The following PHLDB2 variants were observed in gnomAD, a reference collection of about 807,000 sequenced individuals.
PHLDB2 encodes the protein pleckstrin homology like domain family B member 2.
Under a neutral mutation model 123.6 loss-of-function variants are expected in PHLDB2, and 71 were observed. The observed-to-expected ratio is 0.57, with a 90% CI of 0.47 to 0.70. PHLDB2 has a LOEUF of 0.70. Among genes scored for constraint, PHLDB2 ranks in the 30% least tolerant of loss-of-function variants. The pLI, the probability that PHLDB2 is intolerant of heterozygous loss-of-function variation, is 0.00. For synonymous variants in PHLDB2, 547 were observed against 541.6 expected (o/e 1.01, Z -0.14); for missense variants, 1,446 against 1,519.5 (o/e 0.95, Z 0.80).
intron 5 of PHLDB2, among the ~76,000 whole-genome samples, chr3:111,925,330 A>AT (rs1416262277): frequency 1.3e-5 from 2 of 152,160 alleles, no homozygotes; most frequent in Non-Finnish European, 2.9e-5. Flanking sequence ...TTTATTGAAC[A>AT]TTTTTGCAGC....
intron 1 of PHLDB2, among the ~76,000 whole-genome samples, chr3:111,816,840 T>C (rs979797733): frequency 2.0e-5 from 3 of 152,212 alleles, no homozygotes; most frequent in Admixed American, 2.0e-4. Context: ...TCTTGAATTG[T>C]AACTCCCACA....
chr3:111,852,259 G>A (rs1221420936), intron 2 of PHLDB2, among the ~76,000 whole-genome samples: 2 of 149,894 alleles, frequency 1.3e-5, no homozygotes, highest in Non-Finnish European at 3.0e-5. Context: ...GATGCCCAAG[G>A]TGGCATTCTC....
chr3:111,747,909 G>C (rs1025309025), intron 1 of PHLDB2, among the ~76,000 whole-genome samples: 1 of 152,148 alleles, frequency 6.6e-6, no homozygotes, highest in African/African-American at 2.4e-5. Context: ...TTTCTTGTGA[G>C]GTGTGGCAGC....
chr3:111,780,321 G>GGAAGAAGAAGAA lies in PHLDB2; in HGVS notation c.-49+47697_-49+47708dup. On this transcript the variant is annotated intron_variant, in intron 1 of 17. Coordinates refer to the PHLDB2 transcript ENST00000393923. ...AGGAAGAGGAAGAGGAAGAGGAAGA[G>GGAAGAAGAAGAA]GAAGAAGAAGAAGAAGAAGAAGAAG... 1.6e-3 allele frequency among the ~76,000 whole-genome samples: 6 copies of GGAAGAAGAAGAA among 3,672 alleles called. 1 individual carries two copies. The highest frequency in any genetic ancestry group is 3.1e-3 in the African/African-American group (6 of 1,928). 2.4% of individuals were successfully genotyped at this position (3,672 alleles called of 152,430 possible).
chr3:111,835,675 G>A (rs1427714747), intron 1 of PHLDB2, among the ~76,000 whole-genome samples: 1 of 152,172 alleles, frequency 6.6e-6, no homozygotes, highest in Non-Finnish European at 1.5e-5. Context: ...AGCATCAGCT[G>A]GGGACACGAA....
At chr3:111,866,287 G>A (rs768710220) in intron 1 of PHLDB2, among the ~76,000 whole-genome samples, 18 of 151,818 alleles carry the variant, frequency 1.2e-4, no homozygotes, top group Non-Finnish European at 1.9e-4. Flanking sequence ...CAGAGTGCTG[G>A]AATTACAGGC....
Position 111,919,140 on chromosome 3 carries a change from C to T in PHLDB2, c.1788C>T (p.Val596=). The T allele has an allele frequency of 6.2e-7, 1 of 1,613,950 alleles. No homozygotes were observed. The highest frequency in any genetic ancestry group is 8.5e-7 in the Non-Finnish European group (1 of 1,179,786). ...CTGCAATGGAAGAAACCCGGATAGT[C>T]ATTCTGAACAACCTCGAGGAACTTA... ...ELAAMEETRI[V]ILNNLEELKQ... The change falls in exon 4 of 18, where the codon GTC becomes GTT. Residue 596 remains valine, a synonymous_variant. Coordinates refer to ENST00000431670, the MANE Select transcript of PHLDB2 (RefSeq NM_001134438.2).
At chr3:111,832,697 A>G (rs1292475210) in intron 1 of PHLDB2, among the ~76,000 whole-genome samples, 2 of 99,582 alleles carry the variant, frequency 2.0e-5, no homozygotes, top group Non-Finnish European at 3.7e-5. Flanking sequence ...AATATATATA[A>G]TAGAATTATA....
intron 6 of PHLDB2, among the ~76,000 whole-genome samples, chr3:111,936,291 T>C (rs924113285): frequency 1.3e-5 from 2 of 152,218 alleles, no homozygotes; most frequent in African/African-American, 4.8e-5. Flanking sequence ...AGATATGTAA[T>C]GCTCTTTTAG....
intron 1 of PHLDB2, among the ~76,000 whole-genome samples, chr3:111,736,223 A>G (rs2107906474): frequency 6.6e-6 from 1 of 152,282 alleles, no homozygotes; most frequent in East Asian, 1.9e-4. Context: ...TGTTCTTATC[A>G]TCTCCTAGTT....
At chr3:111,893,053 A>G (rs990023419) in intron 2 of PHLDB2, among the ~76,000 whole-genome samples, 14 of 151,062 alleles carry the variant, frequency 9.3e-5, no homozygotes, top group African/African-American at 3.4e-4. Context: ...TTGCTTCTCT[A>G]TTTGCTTCTT....
rs144993905 is a variant in PHLDB2, at chr3:111,778,962, G to A, written c.-49+46259G>A. On this transcript the variant is annotated intron_variant, in intron 1 of 17. Transcript: ENST00000393923. ...CCTTTAGCATCTATGTGGTTCATTAGGCCACTCAGGCAGCCTTTCTTTGGC... is the reference window on the plus strand; with the variant it reads ...CCTTTAGCATCTATGTGGTTCATTAAGCCACTCAGGCAGCCTTTCTTTGGC... 4.9e-4 allele frequency among the ~76,000 whole-genome samples: 74 copies of A among 152,128 alleles called. No homozygotes were observed. In the East Asian group the frequency reaches 0.014, roughly 28 times the overall value.
At chr3:111,764,714 A>T (rs1039004281) in intron 1 of PHLDB2, among the ~76,000 whole-genome samples, 15 of 152,204 alleles carry the variant, frequency 9.9e-5, no homozygotes, top group African/African-American at 3.6e-4. Context: ...CACTGTTTCC[A>T]TCATACTGTA....
At chr3:111,874,224 C>T (rs2065486749) in intron 1 of PHLDB2, among the ~76,000 whole-genome samples, 1 of 152,142 alleles carries the variant, frequency 6.6e-6, no homozygotes, top group African/African-American at 2.4e-5. Context: ...TATACTGCAA[C>T]CTCCTCAAAA....
intron 1 of PHLDB2, among the ~76,000 whole-genome samples, chr3:111,743,930 ATATC>A (rs1414059874): frequency 3.9e-5 from 6 of 152,238 alleles, no homozygotes; most frequent in African/African-American, 1.4e-4. Context: ...CATTGGAAGA[ATATC>A]TATAAAAGTT....
chr3:111,967,843 A>T lies in PHLDB2; in HGVS notation c.3315+19A>T. On this transcript the variant is annotated intron_variant, in intron 15 of 17. Transcript: ENST00000431670. ...GGCACAGGTTGGTCGGTCAATCTGA[A>T]TGCATATGGGCAGGTTGCCCCCTGG... 6.3e-7 allele frequency: 1 copy of T among 1,598,242 alleles called. No homozygotes were observed.
chr3:111,941,714 G>A (rs907241726), intron 8 of PHLDB2, among the ~76,000 whole-genome samples: 22 of 152,168 alleles, frequency 1.4e-4, no homozygotes, highest in Admixed American at 1.2e-3. Context: ...GGCTGAGGCA[G>A]GAGAATCACT....
intron 1 of PHLDB2, among the ~76,000 whole-genome samples, chr3:111,867,751 G>C (rs910450566): frequency 4.6e-5 from 7 of 152,032 alleles, no homozygotes. Flanking sequence ...ACCCAGGCTG[G>C]AGTACAGTGG....
chr3:111,930,779 C>G (rs994499055), intron 5 of PHLDB2, among the ~76,000 whole-genome samples: 1 of 152,268 alleles, frequency 6.6e-6, no homozygotes, highest in African/African-American at 2.4e-5. Flanking sequence ...CATTGAAGAT[C>G]GAAGAAATTT....
Sources: gnomAD v4.1 joint callset for allele counts (sites outside exome capture counted in the v4.1 genomes callset) on GRCh38, gnomAD v4.1.1 for gene constraint, MANE v1.5 for transcripts, NCBI Gene and HGNC (gene_info 2026-07-23, HGNC 2026-07-21) for gene names.